Variants in ZC3H11A observed in about 807,000 individuals in gnomAD.
ZC3H11A encodes the protein zinc finger CCCH domain-containing protein 11A.
ZC3H11A carries 22 observed loss-of-function variants against 90.8 expected under a neutral mutation model. That is an observed-to-expected ratio of 0.24 (90% CI 0.17 to 0.35). The LOEUF (loss-of-function observed/expected upper bound fraction) is 0.35, where lower values mean the gene tolerates loss of function less well. ZC3H11A is among the 10% of genes least tolerant of loss of function. The probability of loss-of-function intolerance (pLI) is 1.00; values close to 1 mark genes in which losing one functional copy is unlikely to be tolerated. For missense variants in ZC3H11A, 701 were observed against 964.9 expected (o/e 0.73, Z 3.62); for synonymous variants, 294 against 339.8 (o/e 0.87, Z 1.48).
At chr1:203,849,384 T>A (rs1688729414) in intron 14 of ZC3H11A, among the ~76,000 whole-genome samples, 1 of 152,230 alleles carries the variant, frequency 6.6e-6, no homozygotes. Flanking sequence ...TTCTGGACAT[T>A]CAGATTTTGT....
chr1:203,850,992 A>C, intron 16 of ZC3H11A, 65 bp from the exon 17 acceptor site: 5 of 1,565,482 alleles, frequency 3.2e-6, no homozygotes, highest in Non-Finnish European at 4.4e-6. Context: ...GCAGCAAAAG[A>C]AAATGAATAT....
chr1:203,799,604 A>G (rs1451532895), intron 1 of ZC3H11A: 2 of 703,124 alleles, frequency 2.8e-6, no homozygotes, highest in East Asian at 2.7e-5. Flanking sequence ...TTCTTAAGCC[A>G]TTTGAGGAGG....
In ZC3H11A at chr1:203,852,271, G is replaced by A; in HGVS notation, c.2305G>A (p.Val769Met). Residue 769 changes from valine (V) to methionine (M), a missense_variant, in exon 18 of 18, where the codon GTG becomes ATG. By Grantham distance (21) the Val-to-Met change is conservative. Coordinates refer to ENST00000367210, the MANE Select transcript of ZC3H11A (RefSeq NM_001376342.1). ...CTCAACAGGAAAGCCCCCACTCTCTGTGGAGGATGATTTTGAGAAACTAAT... is the reference window on the plus strand; with the variant it reads ...CTCAACAGGAAAGCCCCCACTCTCTATGGAGGATGATTTTGAGAAACTAAT... ...SASTGKPPLS[V>M]EDDFEKLIWE... 6.2e-7 allele frequency: 1 copy of A among 1,613,678 alleles called. No individual in the cohort carries two copies. Among genetic ancestry groups the A allele is most frequent in the Non-Finnish European group, 8.5e-7 (1 of 1,179,836 alleles).
intron 1 of ZC3H11A, chr1:203,799,262 T>C: frequency 1.3e-6 from 1 of 757,986 alleles, no homozygotes; most frequent in South Asian, 1.5e-5. Context: ...GTTTTACCCA[T>C]GTGCCATGCT....
At chr1:203,850,143 C>T in intron 15 of ZC3H11A, 117 bp downstream of exon 15, 1 of 843,010 alleles carries the variant, frequency 1.2e-6, no homozygotes, top group Admixed American at 2.7e-5. Flanking sequence ...CTTCTATCCA[C>T]AGGTAGATAG....
At chr1:203,842,080 A>G (rs1230421696) in intron 12 of ZC3H11A, among the ~76,000 whole-genome samples, 4 of 128,622 alleles carry the variant, frequency 3.1e-5, no homozygotes, top group Non-Finnish European at 4.9e-5. Context: ...CCTAGACGGG[A>G]TGGCGGCTGG....
Position 203,818,115 on chromosome 1 carries a change from A to T in ZC3H11A, c.55-455A>T, listed in dbSNP as rs559670639. The stretch of plus-strand genomic sequence containing the variant: ...TTTTATCTTACCTATAGCAGTTTGC[A>T]CAACAGTAGCGTTTTATTTCAGATA... On this transcript the variant is annotated intron_variant, in intron 3 of 17. Transcript: ENST00000367210. Among the ~76,000 whole-genome samples the T allele has an allele frequency of 1.9e-3, 288 of 152,252 alleles. 5 individuals are homozygous for T. The highest frequency in any genetic ancestry group is 1.5e-3 in the Non-Finnish European group (103 of 67,992).
chr1:203,833,694 T>G (rs1017480577), intron 9 of ZC3H11A, 97 bp from the exon 10 acceptor site: 66 of 944,022 alleles, frequency 7.0e-5, no homozygotes, highest in Admixed American at 1.5e-4. Flanking sequence ...TCTGGGTGGA[T>G]TTACACTAAT....
At chr1:203,804,126 C>CTTCTTCATT (rs1376436243) in intron 2 of ZC3H11A, among the ~76,000 whole-genome samples, 3 of 147,742 alleles carry the variant, frequency 2.0e-5, no homozygotes, top group Non-Finnish European at 3.0e-5. Context: ...GTCTTGCATA[C>CTTCTTCATT]TTCTTCATTT....
Position 203,852,146 on chromosome 1 carries a change from T to C in ZC3H11A, c.2180T>C (p.Val727Ala). The C allele has an allele frequency of 6.2e-7, 1 of 1,613,682 alleles. No homozygotes were observed. Among genetic ancestry groups the C allele is most frequent in the Non-Finnish European group, 8.5e-7 (1 of 1,179,838 alleles). Residue 727 changes from valine (V) to alanine (A), a missense_variant, in exon 18 of 18, where the codon GTG becomes GCG. Around this residue, in one of 4 missense-constraint regions of ZC3H11A, gnomAD observed 91 missense variants for 86.8 expected, o/e 1.05. Transcript: ENST00000367210. ...TAATCTTTTTTTTCTTACAGTCTTG[T>C]GCTGCCTCCAACCCAGTCCTCTTCA... ...PEAENPRDSL[V>A]LPPTQSSSDS...
intron 4 of ZC3H11A, among the ~76,000 whole-genome samples, chr1:203,819,998 A>T (rs1677967573): frequency 6.6e-6 from 1 of 151,264 alleles, no homozygotes; most frequent in Non-Finnish European, 1.5e-5. Flanking sequence ...GCACTTTACT[A>T]GGCTGAGGCG....
At chr1:203,799,904 C>G in intron 1 of ZC3H11A, 3 of 1,536,080 alleles carry the variant, frequency 2.0e-6, no homozygotes, top group Non-Finnish European at 2.6e-6. Context: ...ATAAGCAGTT[C>G]CTTGCAGAAG....
At chr1:203,809,175 T>TG (rs1165885184) in intron 2 of ZC3H11A, among the ~76,000 whole-genome samples, 3 of 136,368 alleles carry the variant, frequency 2.2e-5, no homozygotes, top group East Asian at 2.1e-4. Flanking sequence ...TCTCACTGTT[T>TG]TTTTTTTTTT....
intron 1 of ZC3H11A, chr1:203,800,540 CATT>C: frequency 7.5e-7 from 1 of 1,328,244 alleles, no homozygotes; most frequent in South Asian, 1.7e-5. Context: ...TAAATATAAT[CATT>C]ATCTTTATAA....
intron 12 of ZC3H11A, among the ~76,000 whole-genome samples, chr1:203,841,889 G>A (rs867233634): frequency 6.6e-6 from 1 of 150,830 alleles, no homozygotes. Flanking sequence ...CAGACGGGGC[G>A]GCCGGGCAGA....
At chr1:203,810,432 T>G (rs1303509218) in intron 2 of ZC3H11A, among the ~76,000 whole-genome samples, 2 of 151,448 alleles carry the variant, frequency 1.3e-5, no homozygotes, top group East Asian at 3.9e-4. Flanking sequence ...GGTTTTTTTT[T>G]TTTTTGAGAC....
chr1:203,827,226 T>C (rs893526668), intron 4 of ZC3H11A, among the ~76,000 whole-genome samples: 5 of 152,224 alleles, frequency 3.3e-5, no homozygotes, highest in African/African-American at 1.2e-4. Context: ...ATTATAGAGC[T>C]ATTGAAAATA....
At position 203,798,697 on chromosome 1, in the gene ZC3H11A, T is replaced by C. The variant is rs1423930507; in HGVS notation, c.-1587-2878T>C. 5.2e-6 allele frequency: 8 copies of C among 1,536,020 alleles called. No homozygotes were observed. The highest frequency in any genetic ancestry group is 1.7e-4 in the Middle Eastern group (1 of 6,012). The stretch of plus-strand genomic sequence containing the variant: ...CCCGTTGCAGAGCAAGGCACTCTGA[T>C]GCGTGCGCAGGAGAGAGAAACAACA... On this transcript the variant is annotated intron_variant, in intron 1 of 17. Transcript: ENST00000367210.
chr1:203,815,898 C>T (rs933931432), intron 2 of ZC3H11A, among the ~76,000 whole-genome samples: 1 of 152,120 alleles, frequency 6.6e-6, no homozygotes, highest in Non-Finnish European at 1.5e-5. Flanking sequence ...CTTGCTTGGA[C>T]GTTTTAGTGT....
Sources: allele counts gnomAD v4.1 joint callset (sites outside exome capture counted in the v4.1 genomes callset), GRCh38; gene constraint gnomAD v4.1.1; regional missense constraint gnomAD v4.1.1; transcripts MANE v1.5; gene names NCBI Gene and HGNC (gene_info 2026-07-23, HGNC 2026-07-21).